Variants in KCTD8 observed in about 807,000 individuals in gnomAD.
KCTD8 encodes the protein potassium channel tetramerization domain containing 8.
A neutral mutation model predicts 31.5 loss-of-function variants in KCTD8; 27 were observed. The observed-to-expected ratio is 0.86, with a 90% CI of 0.63 to 1.18. The LOEUF (loss-of-function observed/expected upper bound fraction) is 1.18. KCTD8 is among the 50% of genes most tolerant of loss of function. KCTD8 has a pLI of 0.00. For synonymous variants in KCTD8, 290 were observed against 280.0 expected, an observed-to-expected ratio of 1.04 and a Z score of -0.36; for missense variants, 658 against 647.7, an observed-to-expected ratio of 1.02 and a Z score of -0.17.
At chr4:44,350,196 T>C (rs978211385) in intron 1 of KCTD8, among the ~76,000 whole-genome samples, 1 of 152,202 alleles carries the variant, frequency 6.6e-6, no homozygotes, top group Non-Finnish European at 1.5e-5. Flanking sequence ...CTTTCCTGCC[T>C]ATGTTTTAAC....
chr4:44,444,948 G>GA (rs1371754725), intron 1 of KCTD8, among the ~76,000 whole-genome samples: 1 of 151,652 alleles, frequency 6.6e-6, no homozygotes, highest in Admixed American at 6.6e-5. Context: ...AATATTTGCT[G>GA]AAAAAAAGGG....
chr4:44,277,948 G>A (rs1321198727), intron 1 of KCTD8, among the ~76,000 whole-genome samples: 1 of 151,880 alleles, frequency 6.6e-6, no homozygotes, highest in African/African-American at 2.4e-5. Context: ...ATAACAATAA[G>A]TTTATGCAGA....
At chr4:44,302,291 C>G (rs1717650475) in intron 1 of KCTD8, among the ~76,000 whole-genome samples, 1 of 152,118 alleles carries the variant, frequency 6.6e-6, no homozygotes, top group Non-Finnish European at 1.5e-5. Context: ...GGCATTGAAT[C>G]TATAAATTAC....
chr4:44,329,824 C>A (rs1167691792), intron 1 of KCTD8, among the ~76,000 whole-genome samples: 1 of 151,858 alleles, frequency 6.6e-6, no homozygotes, highest in Non-Finnish European at 1.5e-5. Context: ...TTGGAATAGT[C>A]TTTTTCACAT....
intron 1 of KCTD8, among the ~76,000 whole-genome samples, chr4:44,321,508 G>A (rs1250552901): frequency 6.6e-6 from 1 of 151,678 alleles, no homozygotes; most frequent in Non-Finnish European, 1.5e-5. Flanking sequence ...TTATTTTTGG[G>A]GTATATGTGA....
At chr4:44,385,105 T>C (rs113083502) in intron 1 of KCTD8, among the ~76,000 whole-genome samples, 222 of 151,796 alleles carry the variant, frequency 1.5e-3, no homozygotes, top group African/African-American at 4.6e-3. Context: ...TTTTCATGGA[T>C]TGGAAGACGT....
At chr4:44,302,481 T>C (rs1194878383) in intron 1 of KCTD8, among the ~76,000 whole-genome samples, 1 of 152,170 alleles carries the variant, frequency 6.6e-6, no homozygotes, top group Non-Finnish European at 1.5e-5. Context: ...TTTGAAGCCA[T>C]TGTGAATGGG....
intron 1 of KCTD8, among the ~76,000 whole-genome samples, chr4:44,302,392 A>C (rs906684339): frequency 3.1e-4 from 47 of 152,012 alleles, no homozygotes; most frequent in African/African-American, 1.1e-3. Context: ...CTTTTATTTC[A>C]TTGAGCAGTG....
At chr4:44,175,286 C>G in intron 1 of KCTD8, 36 bp from the exon 2 acceptor site, 1 of 1,258,762 alleles carries the variant, frequency 7.9e-7, no homozygotes, top group Non-Finnish European at 1.1e-6. Context: ...AAGAGTAGAA[C>G]AGTTGAATAA....
intron 1 of KCTD8, among the ~76,000 whole-genome samples, chr4:44,225,744 A>ATT (rs1560399556): frequency 6.7e-6 from 1 of 148,388 alleles, no homozygotes; most frequent in Non-Finnish European, 1.5e-5. Flanking sequence ...GAACATGCAG[A>ATT]TTTGTTATGT....
intron 1 of KCTD8, among the ~76,000 whole-genome samples, chr4:44,395,920 T>C (rs770032276): frequency 3.3e-5 from 5 of 151,884 alleles, no homozygotes; most frequent in Admixed American, 6.6e-5. Flanking sequence ...GGGGAAGAGG[T>C]TAGGGATGGT....
rs191469485 is a variant in KCTD8 at position 44,348,140 on chromosome 4, C to T, written c.961+99423G>A. Among the ~76,000 whole-genome samples the T allele has an allele frequency of 5.8e-4, 89 of 152,152 alleles. No individual in the cohort carries two copies. In the Middle Eastern group the frequency reaches 0.01, roughly 17 times the overall value. Reference sequence around the variant, plus strand: ...GACCATAATTAAAATGACTGTATTACACAAAAAAGAACATGCAACTTTGCA... The same window carrying T: ...GACCATAATTAAAATGACTGTATTATACAAAAAAGAACATGCAACTTTGCA... On this transcript the variant is annotated intron_variant, in intron 1 of 1. Coordinates refer to ENST00000360029, the MANE Select transcript of KCTD8 (RefSeq NM_198353.3).
At chr4:44,266,542 A>C (rs1272702389) in intron 1 of KCTD8, among the ~76,000 whole-genome samples, 1 of 152,124 alleles carries the variant, frequency 6.6e-6, no homozygotes, top group Non-Finnish European at 1.5e-5. Context: ...CACACATAAC[A>C]ATATTAACTT....
chr4:44,179,819 G>A (rs77847022), intron 1 of KCTD8, among the ~76,000 whole-genome samples: 8,575 of 152,028 alleles, frequency 0.056, 827 homozygotes, highest in African/African-American at 0.2. Flanking sequence ...TTTAAATTGG[G>A]ACTAAGATAC....
chr4:44,319,092 G>C (rs1269594287), intron 1 of KCTD8, among the ~76,000 whole-genome samples: 1 of 152,164 alleles, frequency 6.6e-6, no homozygotes, highest in Non-Finnish European at 1.5e-5. Context: ...GAAGTACAAA[G>C]AGTATGTTAG....
chr4:44,260,180 T>C (rs1005926801), intron 1 of KCTD8, among the ~76,000 whole-genome samples: 1 of 151,596 alleles, frequency 6.6e-6, no homozygotes, highest in African/African-American at 2.4e-5. Context: ...AGAAAGTAAG[T>C]AGGGTACAAT....
Position 44,180,587 on chromosome 4 carries a change from GCACACA to G in KCTD8, c.962-5343_962-5338del, listed in dbSNP as rs201708007. Among the ~76,000 whole-genome samples, 718 of 139,192 alleles carry G rather than the reference GCACACA, an allele frequency of 5.2e-3. 6 individuals are homozygous for G. The highest frequency in any genetic ancestry group is 0.018 in the Middle Eastern group (5 of 274). 91.3% of individuals were successfully genotyped at this position (139,192 alleles called of 152,430 possible). ...TGAAGAACAGTCAGTATACATACAT[GCACACA>G]CACACACACACACACACACACACAC... On this transcript the variant is annotated intron_variant, in intron 1 of 1. Coordinates refer to ENST00000360029, the MANE Select transcript of KCTD8 (RefSeq NM_198353.3).
At chr4:44,447,333 C>G (rs1290611908) in intron 1 of KCTD8, among the ~76,000 whole-genome samples, 1 of 152,220 alleles carries the variant, frequency 6.6e-6, no homozygotes, top group Non-Finnish European at 1.5e-5. Flanking sequence ...CAGCTGGGAG[C>G]TGGGTGCTAC....
At chr4:44,290,077 C>T (rs993927856) in intron 1 of KCTD8, among the ~76,000 whole-genome samples, 6 of 151,902 alleles carry the variant, frequency 3.9e-5, no homozygotes, top group African/African-American at 1.5e-4. Context: ...ACCCACCTCA[C>T]ATGTAATGAC....
Sources: gnomAD v4.1 joint callset for allele counts (sites outside exome capture counted in the v4.1 genomes callset) on GRCh38, gnomAD v4.1.1 for gene constraint, MANE v1.5 for transcripts, NCBI Gene and HGNC (gene_info 2026-07-23, HGNC 2026-07-21) for gene names.